Variants in ATR observed in about 807,000 individuals in gnomAD.
ATR encodes serine/threonine-protein kinase ATR.
A neutral mutation model predicts 305.3 loss-of-function variants in ATR; 142 were observed. The observed-to-expected ratio is 0.47, with a 90% CI of 0.41 to 0.53. The LOEUF is 0.53. ATR is among the 20% of genes least tolerant of loss of function. The probability of loss-of-function intolerance (pLI) is 0.00; values close to 1 mark genes in which losing one functional copy is unlikely to be tolerated. For synonymous variants in ATR, 1,050 were observed against 1,068.1 expected, an observed-to-expected ratio of 0.98 and a Z score of 0.33; for missense variants, 2,135 against 3,133.1, an observed-to-expected ratio of 0.68 and a Z score of 7.60.
chr3:142,551,175 G>A (rs1230304650), intron 13 of ATR, among the ~76,000 whole-genome samples: 1 of 152,182 alleles, frequency 6.6e-6, no homozygotes. Context: ...ACTTTCAGAG[G>A]CAGAAGTGGG....
intron 1 of ATR, 38 bp downstream of exon 1, chr3:142,578,608 G>A (rs751577391): frequency 6.3e-7 from 1 of 1,599,724 alleles, no homozygotes. Context: ...CGGAATCAGC[G>A]GAGGAGGATG....
At chr3:142,544,601 G>T (rs1290525956) in intron 16 of ATR, among the ~76,000 whole-genome samples, 1 of 133,508 alleles carries the variant, frequency 7.5e-6, no homozygotes, top group Non-Finnish European at 1.6e-5. Flanking sequence ...ATGTCTTTAT[G>T]TACAGGCAGA....
At chr3:142,454,011 C>G (rs2070847413) in intron 45 of ATR, among the ~76,000 whole-genome samples, 1 of 152,192 alleles carries the variant, frequency 6.6e-6, no homozygotes, top group South Asian at 2.1e-4. Context: ...CCCCTTGCCC[C>G]CTTTTTATTC....
chr3:142,553,481 A>G, intron 12 of ATR, 83 bp from the exon 13 acceptor site: 1 of 1,489,490 alleles, frequency 6.7e-7, no homozygotes, highest in East Asian at 2.3e-5. Context: ...TGTATCTCCA[A>G]TATCCCAGAA....
Position 142,524,095 on chromosome 3 carries a change from A to G in ATR, c.4050T>C (p.Ala1350=). The part of the protein sequence containing the change: ...LKGCQDANSQ[A]RLLCGECLGE... ...CTAAACATTCCCCACAGAGCAACCG[A>G]GCTTGAGAGTTTGCATCTTGGCAAC... The change falls in exon 22 of 47, where the codon GCT becomes GCC. Residue 1350 remains alanine (A), a synonymous_variant. Coordinates refer to ENST00000350721, the MANE Select transcript of ATR (RefSeq NM_001184.4). 2 of 1,614,046 alleles carry G rather than the reference A, an allele frequency of 1.2e-6. No homozygotes were observed. The highest frequency in any genetic ancestry group is 1.7e-6 in the Non-Finnish European group (2 of 1,179,932).
rs1391520084 is a variant in ATR, at chr3:142,556,041, C to T, written c.2177G>A (p.Ser726Asn). 1 of 1,613,910 alleles carries T rather than the reference C, an allele frequency of 6.2e-7. No homozygotes were observed. Among genetic ancestry groups the T allele is most frequent in the Non-Finnish European group, 8.5e-7 (1 of 1,179,984 alleles). ...CTLHGMFYLTSSLTEPFSEHG... is the reference protein window; with the variant it reads ...CTLHGMFYLTNSLTEPFSEHG... ...TTCAGAGAAAGGTTCTGTTAAAGAACTTGTCAGATAAAACATGCCGTGAAG... is the reference window on the plus strand; with the variant it reads ...TTCAGAGAAAGGTTCTGTTAAAGAATTTGTCAGATAAAACATGCCGTGAAG... Residue 726 changes from serine (S) to asparagine (N), a missense_variant, in exon 10 of 47, where the codon AGT (serine) becomes AAT (asparagine). By Grantham distance (46) the Ser-to-Asn change is conservative. Transcript: ENST00000350721.
At chr3:142,450,840 G>A in intron 46 of ATR, 1 of 1,361,246 alleles carries the variant, frequency 7.3e-7, no homozygotes, top group Non-Finnish European at 9.5e-7. Context: ...CCGTTCAGTT[G>A]CCATTTCTGG....
intron 46 of ATR, chr3:142,450,156 T>C (rs914822577): frequency 3.6e-5 from 14 of 389,420 alleles, no homozygotes; most frequent in Admixed American, 2.1e-4. Context: ...GGGTGGAGAC[T>C]GTTGCTGTGC....
intron 21 of ATR, among the ~76,000 whole-genome samples, chr3:142,529,694 T>C (rs998279047): frequency 6.6e-6 from 1 of 152,186 alleles, no homozygotes; most frequent in Non-Finnish European, 1.5e-5. Context: ...AGCTTGACTC[T>C]TTCTTGACTC....
Position 142,497,692 on chromosome 3 carries a change from C to A in ATR, c.5559-500G>T, listed in dbSNP as rs114580631. ...TTAAACTGGAGAATGATGGATAAAA[C>A]TAAATTCAAATGTATGAAACCAAAA... is the stretch of plus-strand genomic sequence containing the variant. On this transcript the variant is annotated intron_variant, in intron 32 of 46. Coordinates refer to ENST00000350721, the MANE Select transcript of ATR (RefSeq NM_001184.4). 2.9e-3 allele frequency among the ~76,000 whole-genome samples: 437 copies of A among 151,952 alleles called. 1 individual carries two copies. The highest frequency in any genetic ancestry group is 7.6e-3 in the African/African-American group (314 of 41,468).
Position 142,562,398 on chromosome 3 carries a change from A to G in ATR, c.1004T>C (p.Met335Thr). 6.2e-7 allele frequency: 1 copy of G among 1,614,180 alleles called. No homozygotes were observed. The highest frequency in any genetic ancestry group is 8.5e-7 in the Non-Finnish European group (1 of 1,180,010). The change falls in exon 4 of 47, where the codon ATG becomes ACG. Residue 335 changes from methionine (M) to threonine (T), a missense_variant. By Grantham distance (81) the Met-to-Thr change is moderately conservative. Transcript: ENST00000350721. ...LCVMFEDGVL[M>T]RLKSDLLKAA... ...TTTTAGCAAATCAGACTTAAGCCGC[A>G]TGAGCACACCGTCTTCAAACATGAC...
intron 3 of ATR, 32 bp downstream of exon 3, chr3:142,566,089 T>G (rs772699855): frequency 6.2e-7 from 1 of 1,613,574 alleles, no homozygotes; most frequent in Admixed American, 1.7e-5. Context: ...ATAGAACAGA[T>G]GGCAAGTGAA....
At position 142,560,340 on chromosome 3, in the gene ATR, C is replaced by A. The variant is rs761059939; in HGVS notation, c.1464G>T (p.Glu488Asp). 9.3e-6 allele frequency: 15 copies of A among 1,613,758 alleles called. No individual in the cohort carries two copies. Among genetic ancestry groups the A allele is most frequent in the Non-Finnish European group, 1.2e-5 (14 of 1,179,872 alleles). The stretch of plus-strand genomic sequence containing the variant: ...AGACAACAGCAATTCCTTCTAACAT[C>A]TCAATAACAGGATTCTTTAGGCCAC... ...EYSGLKNPVIEMLEGIAVVLQ... is the reference protein window; with the variant it reads ...EYSGLKNPVIDMLEGIAVVLQ... Residue 488 changes from glutamate (E) to aspartate (D), a missense_variant, in exon 6 of 47, where the codon GAG (glutamate) becomes GAT (aspartate). By Grantham distance (45) the Glu-to-Asp change is conservative. Coordinates refer to ENST00000350721, the MANE Select transcript of ATR (RefSeq NM_001184.4).
intron 28 of ATR, among the ~76,000 whole-genome samples, chr3:142,507,613 G>A (rs1415450344): frequency 1.3e-5 from 2 of 152,138 alleles, no homozygotes; most frequent in Non-Finnish European, 2.9e-5. Flanking sequence ...ACTCCACAGA[G>A]ATGCCTCTGA....
intron 28 of ATR, among the ~76,000 whole-genome samples, chr3:142,506,424 T>C (rs1484481936): frequency 2.0e-5 from 3 of 152,178 alleles, no homozygotes; most frequent in African/African-American, 7.2e-5. Context: ...CCAGGCACAG[T>C]GGCTCATGCC....
chr3:142,513,760 AT>A, intron 25 of ATR, 122 bp from the exon 26 acceptor site: 1 of 1,111,808 alleles, frequency 9.0e-7, no homozygotes, highest in East Asian at 2.8e-5. Context: ...AAGTTTTTTA[AT>A]TAATTTTTTA....
intron 21 of ATR, among the ~76,000 whole-genome samples, chr3:142,528,853 TCA>T: frequency 1.0e-5 from 1 of 98,508 alleles, no homozygotes; most frequent in African/African-American, 5.6e-5. Flanking sequence ...TCTGGAATTA[TCA>T]TATATATATA....
chr3:142,499,233 G>A (rs1191176392), intron 31 of ATR: 1 of 337,420 alleles, frequency 3.0e-6, no homozygotes, highest in Non-Finnish European at 5.7e-6. Context: ...AACAGGCTAA[G>A]ATATTAAGTA....
intron 10 of ATR, among the ~76,000 whole-genome samples, chr3:142,555,632 G>GTATGCCCCAGTTAGGC (rs1183092361): frequency 6.6e-6 from 1 of 152,126 alleles, no homozygotes; most frequent in African/African-American, 2.4e-5. Context: ...CAACCATCAG[G>GTATGCCCCAGTTAGGC]TATGCCCCAT....
Sources: gnomAD v4.1 joint callset for allele counts (sites outside exome capture counted in the v4.1 genomes callset) on GRCh38, gnomAD v4.1.1 for gene constraint, MANE v1.5 for transcripts, NCBI Gene and HGNC (gene_info 2026-07-23, HGNC 2026-07-21) for gene names.